The following LRP2 variants were observed in gnomAD, a reference collection of about 807,000 sequenced individuals.
LRP2 encodes the protein low-density lipoprotein receptor-related protein 2.
LRP2 carries 172 observed loss-of-function variants against 531.0 expected under a neutral mutation model. That is an observed-to-expected ratio of 0.32 (90% CI 0.29 to 0.37). LRP2 has a LOEUF of 0.37. Ranked by LOEUF, LRP2 falls within the 10% of genes least tolerant of loss-of-function variation. LRP2 has a pLI of 1.00. For missense variants in LRP2, 5,167 were observed against 5,868.3 expected (o/e 0.88, Z 3.90); for synonymous variants, 1,992 against 2,027.6 (o/e 0.98, Z 0.47).
chr2:169,175,219 C>G lies in LRP2; in HGVS notation c.10742G>C (p.Gly3581Ala). ...ACAAAGAAGACGGTCTTCATCAGAC[C>G]CATCAGGGCAATTTTGGTGAGCATT... ...LCNAHQNCPD[G>A]SDEDRLLCEN... Residue 3581 changes from glycine (G) to alanine (A), a missense_variant, in exon 55 of 79, where the codon GGG (glycine) becomes GCG (alanine). Gly to Ala is a moderately conservative substitution (Grantham distance 60). This residue lies in a region of LRP2 where 311 missense variants were observed against 309.4 expected (regional missense o/e 1.01). Coordinates refer to ENST00000649046, the MANE Select transcript of LRP2 (RefSeq NM_004525.3). 1 of 1,614,072 alleles carries G rather than the reference C, an allele frequency of 6.2e-7. No homozygotes were observed. Among genetic ancestry groups the G allele is most frequent in the South Asian group, 1.1e-5 (1 of 91,068 alleles).
chr2:169,354,785 T>A (rs1685945759), intron 1 of LRP2, among the ~76,000 whole-genome samples: 1 of 152,226 alleles, frequency 6.6e-6, no homozygotes, highest in Non-Finnish European at 1.5e-5. Flanking sequence ...GATGGATACG[T>A]GTTCTACCAT....
intron 23 of LRP2, among the ~76,000 whole-genome samples, 153 bp downstream of exon 23, chr2:169,243,250 T>C (rs1033466745): frequency 6.6e-6 from 1 of 152,194 alleles, no homozygotes; most frequent in African/African-American, 2.4e-5. Context: ...ACCCATCATC[T>C]ACATTAGGTA....
intron 1 of LRP2, among the ~76,000 whole-genome samples, chr2:169,347,645 G>C (rs755823824): frequency 2.6e-5 from 4 of 151,792 alleles, no homozygotes; most frequent in Non-Finnish European, 5.9e-5. Flanking sequence ...AAACCCAGCA[G>C]AGAGAAATCA....
In LRP2 at chr2:169,270,917, C is replaced by T. The variant is rs767550234; in HGVS notation, c.2307G>A (p.Lys769=). 1 of 1,612,758 alleles carries T rather than the reference C, an allele frequency of 6.2e-7. No homozygotes were observed. The highest frequency in any genetic ancestry group is 1.1e-5 in the South Asian group (1 of 91,046). The change falls in exon 16 of 79, where the codon AAG becomes AAA. Residue 769 remains lysine, a synonymous_variant. Transcript: ENST00000649046. ...AACCTTTCTCACCTGTGCCATCAAT[C>T]TTTTGCTTAAAAATCATGTGTTTTG... ...DMSKHMIFKQ[K]IDGTGREILA...
At chr2:169,139,680 A>T (rs1685650747) in intron 72 of LRP2, 70 bp from the exon 73 acceptor site, 1 of 1,300,614 alleles carries the variant, frequency 7.7e-7, no homozygotes, top group Non-Finnish European at 1.1e-6. Flanking sequence ...TTCTGAGCAC[A>T]TCCTGAAGTA....
At chr2:169,190,241 ATTAC>A (rs1448947984) in intron 48 of LRP2, among the ~76,000 whole-genome samples, 2 of 152,232 alleles carry the variant, frequency 1.3e-5, no homozygotes, top group African/African-American at 2.4e-5. Flanking sequence ...TTACATTCAT[ATTAC>A]TTAAATACAA....
chr2:169,198,459 G>C (rs1413655540), intron 45 of LRP2, among the ~76,000 whole-genome samples: 1 of 152,034 alleles, frequency 6.6e-6, no homozygotes, highest in South Asian at 2.1e-4. Flanking sequence ...ATAATATTAA[G>C]AGTAAATTAT....
chr2:169,277,381 G>A (rs1407199992), intron 13 of LRP2, among the ~76,000 whole-genome samples: 3 of 151,994 alleles, frequency 2.0e-5, no homozygotes, highest in Admixed American at 2.0e-4. Context: ...TGTATTTATT[G>A]GGGGAAGGTT....
At position 169,209,695 on chromosome 2, in the gene LRP2, T is replaced by G. The variant is rs75556062; in HGVS notation, c.6281-54A>C. The stretch of plus-strand genomic sequence containing the variant: ...ATGCTGTCACTGAAATTAGAACTTT[T>G]AAATGTCTGCCCTTCCTCTCAAACC... On this transcript the variant is annotated intron_variant, in intron 37 of 78. Transcript: ENST00000649046. 3.6e-4 allele frequency: 549 copies of G among 1,538,090 alleles called. 1 individual carries two copies. The African/African-American group carries it at 6.9e-3, about 19-fold the overall frequency.
intron 33 of LRP2, among the ~76,000 whole-genome samples, chr2:169,224,188 G>A (rs566435961): frequency 5.7e-4 from 87 of 152,334 alleles, no homozygotes; most frequent in Non-Finnish European, 6.5e-4. Context: ...CTTTCTGAAT[G>A]CTCCAGAGAA....
intron 1 of LRP2, among the ~76,000 whole-genome samples, chr2:169,340,050 G>T (rs1401630911): frequency 2.0e-5 from 3 of 151,992 alleles, no homozygotes; most frequent in Non-Finnish European, 2.9e-5. Flanking sequence ...TGGTGCATAC[G>T]ATATATCTAC....
chr2:169,226,973 T>G (rs1322854824), intron 31 of LRP2, among the ~76,000 whole-genome samples: 1 of 151,776 alleles, frequency 6.6e-6, no homozygotes, highest in Non-Finnish European at 1.5e-5. Context: ...GAGTTGAGTT[T>G]TGAAAAAAAA....
chr2:169,131,401 G>A (rs1314030793), intron 77 of LRP2, among the ~76,000 whole-genome samples: 3 of 152,062 alleles, frequency 2.0e-5, no homozygotes, highest in Non-Finnish European at 4.4e-5. Flanking sequence ...CAGCAGAACA[G>A]AAACCAATGT....
intron 1 of LRP2, among the ~76,000 whole-genome samples, chr2:169,349,105 C>A (rs189283067): frequency 1.6e-3 from 248 of 152,224 alleles, no homozygotes; most frequent in Middle Eastern, 6.8e-3. Context: ...AAATCCCTGC[C>A]CTTGTGCCAT....
At position 169,182,203 on chromosome 2, in the gene LRP2, T is replaced by C. The variant is rs1489707626; in HGVS notation, c.9962A>G (p.Asp3321Gly). 6.2e-7 allele frequency: 1 copy of C among 1,614,144 alleles called. No homozygotes were observed. Among genetic ancestry groups the C allele is most frequent in the East Asian group, 2.2e-5 (1 of 44,886 alleles). ...GTGAAGGGCAAGTCCTCTGGGATTA[T>C]CAAAGCAGAAGGTGTTGTTGGCATC... The part of the protein sequence containing the change: ...CVDANNTFCF[D>G]NPRGLALHPQ... The change falls in exon 51 of 79, where the codon GAT (aspartate) becomes GGT (glycine). Residue 3321 changes from aspartate to glycine, a missense_variant. By Grantham distance (94) the Asp-to-Gly change is moderately conservative. Coordinates refer to ENST00000649046, the MANE Select transcript of LRP2 (RefSeq NM_004525.3).
Position 169,169,820 on chromosome 2 carries a change from TGAAGA to T in LRP2, c.11381-7_11381-3del. 6.3e-7 allele frequency: 1 copy of T among 1,594,600 alleles called. No individual in the cohort carries two copies. Among genetic ancestry groups the T allele is most frequent in the Non-Finnish European group, 8.6e-7 (1 of 1,162,324 alleles). ...ATTCAGGATGGCAGGTCCTCATCTC[TGAAGA>T]GAAAAGATTGTCATTCCGAGAAGGC... On this transcript the variant is annotated splice_region_variant and splice_polypyrimidine_tract_variant and intron_variant, in intron 59 of 78. Coordinates refer to ENST00000649046, the MANE Select transcript of LRP2 (RefSeq NM_004525.3).
At position 169,292,784 on chromosome 2, in the gene LRP2, G is replaced by A. The variant is rs1684030554; in HGVS notation, c.653-415C>T. ...GGTGTGTGGAGTTGCAGTGAGCCAA[G>A]ATCGCACCACTGCACTCCAGCCTGG... On this transcript the variant is annotated intron_variant, in intron 6 of 78. Coordinates refer to ENST00000649046, the MANE Select transcript of LRP2 (RefSeq NM_004525.3). Among the ~76,000 whole-genome samples, 5 of 139,700 alleles carry A rather than the reference G, an allele frequency of 3.6e-5. No homozygotes were observed. The South Asian group carries it at 1.2e-3, about 32-fold the overall frequency. The allele number at this position is 139,700 out of a possible 152,430, so 91.6% of individuals were successfully genotyped here. A position where few individuals can be genotyped will look rare whatever the true frequency, so the allele number is the denominator to read the frequency against.
intron 77 of LRP2, among the ~76,000 whole-genome samples, chr2:169,131,249 G>A (rs1302840952): frequency 2.0e-5 from 2 of 102,356 alleles, no homozygotes; most frequent in Admixed American, 1.2e-4. Flanking sequence ...GTCTGTGAGT[G>A]TATGAGTGTG....
intron 45 of LRP2, among the ~76,000 whole-genome samples, chr2:169,197,238 T>C (rs367881827): frequency 2.6e-5 from 4 of 151,842 alleles, no homozygotes; most frequent in East Asian, 1.9e-4. Flanking sequence ...TTCCCCAATT[T>C]GTTTTTCTAG....
Sources: gnomAD v4.1 joint callset for allele counts (sites outside exome capture counted in the v4.1 genomes callset) on GRCh38, gnomAD v4.1.1 for gene constraint, gnomAD v4.1.1 regional missense constraint, MANE v1.5 for transcripts, NCBI Gene and HGNC (gene_info 2026-07-23, HGNC 2026-07-21) for gene names.